The following VGLL4 variants were observed in gnomAD, a reference collection of about 807,000 sequenced individuals.
VGLL4 encodes the protein vestigial like family member 4, also known as transcription cofactor vestigial-like protein 4.
A neutral mutation model predicts 21.0 loss-of-function variants in VGLL4; 7 were observed. The observed-to-expected ratio is 0.33, with a 90% CI of 0.19 to 0.63. The LOEUF (loss-of-function observed/expected upper bound fraction) is 0.63. Among genes scored for constraint, VGLL4 ranks in the 20% least tolerant of loss-of-function variants. The pLI is 0.78. For synonymous variants in VGLL4, 222 were observed against 173.2 expected, an observed-to-expected ratio of 1.28 and a Z score of -2.21; for missense variants, 394 against 425.7, an observed-to-expected ratio of 0.93 and a Z score of 0.66.
intron 2 of VGLL4, among the ~76,000 whole-genome samples, chr3:11,593,292 G>C (rs1417854388): frequency 6.6e-6 from 1 of 152,108 alleles, no homozygotes; most frequent in African/African-American, 2.4e-5. Flanking sequence ...TTTACATCCA[G>C]ATACCAAAAA....
In VGLL4 at chr3:11,643,836, G is replaced by C; in HGVS notation, c.-318C>G. On this transcript the variant is annotated 5_prime_UTR_variant, in exon 1 of 5. Transcript: ENST00000430365. ...GGAAAAGAGTGAAAAAGAGAAACGC[G>C]CAGCCCGTTTCCTAGGACAAAGCGG... 1 of 1,065,474 alleles carries C rather than the reference G, an allele frequency of 9.4e-7. No individual in the cohort carries two copies. Among genetic ancestry groups the C allele is most frequent in the African/African-American group, 1.7e-5 (1 of 59,238 alleles). The allele number at this position is 1,065,474 out of a possible 1,614,324, so 66.0% of individuals were successfully genotyped here.
At chr3:11,628,644 C>A (rs1243878809) in intron 1 of VGLL4, among the ~76,000 whole-genome samples, 2 of 151,678 alleles carry the variant, frequency 1.3e-5, no homozygotes, top group South Asian at 2.1e-4. Context: ...CACGGTGAAA[C>A]CCCGTCTCTA....
chr3:11,620,648 G>A (rs2574716), intron 1 of VGLL4, among the ~76,000 whole-genome samples: 76,428 of 152,000 alleles, frequency 0.5, 22,280 homozygotes, highest in African/African-American at 0.78. Context: ...CTTACTTCGC[G>A]GAAAATTTGG....
intron 2 of VGLL4, among the ~76,000 whole-genome samples, chr3:11,677,607 G>A (rs371755090): frequency 1.1e-3 from 167 of 152,158 alleles, no homozygotes; most frequent in African/African-American, 3.6e-3. Flanking sequence ...GCTATAGCGC[G>A]TATGAACAAA....
intron 2 of VGLL4, among the ~76,000 whole-genome samples, chr3:11,567,620 G>C (rs1244114155): frequency 6.6e-6 from 1 of 152,186 alleles, no homozygotes; most frequent in Non-Finnish European, 1.5e-5. Context: ...TCAGAAGACA[G>C]CACAGGTTTC....
At chr3:11,637,822 G>C (rs558906466) in intron 1 of VGLL4, among the ~76,000 whole-genome samples, 5 of 152,154 alleles carry the variant, frequency 3.3e-5, no homozygotes, top group African/African-American at 9.7e-5. Context: ...TGTGGAGTTG[G>C]GGGGTGGGAA....
intron 1 of VGLL4, among the ~76,000 whole-genome samples, chr3:11,632,234 A>G (rs1312657796): frequency 6.6e-6 from 1 of 152,002 alleles, no homozygotes. Flanking sequence ...AATGGCTTGA[A>G]CCCAGGAGGC....
At chr3:11,626,172 T>A (rs1195893287) in intron 1 of VGLL4, among the ~76,000 whole-genome samples, 4 of 152,186 alleles carry the variant, frequency 2.6e-5, no homozygotes, top group Non-Finnish European at 5.9e-5. Context: ...TTTCCAAGAA[T>A]CTCAATGAGC....
At chr3:11,663,681 G>A (rs1426470170) in intron 2 of VGLL4, among the ~76,000 whole-genome samples, 1 of 152,166 alleles carries the variant, frequency 6.6e-6, no homozygotes, top group Non-Finnish European at 1.5e-5. Flanking sequence ...TCATGCCACT[G>A]CACTCCAGCC....
At chr3:11,633,321 T>C (rs2075519442) in intron 1 of VGLL4, 1 of 152,156 alleles carries the variant, frequency 6.6e-6, no homozygotes. Flanking sequence ...ATAAATTCCA[T>C]GGCAGAAGTA....
At chr3:11,689,039 G>C (rs2076489066) in intron 2 of VGLL4, among the ~76,000 whole-genome samples, 2 of 152,026 alleles carry the variant, frequency 1.3e-5, no homozygotes, top group Admixed American at 6.6e-5. Context: ...AAGAGAGAGA[G>C]AGATCAATTT....
At chr3:11,673,481 A>C (rs545387977) in intron 2 of VGLL4, among the ~76,000 whole-genome samples, 4 of 152,176 alleles carry the variant, frequency 2.6e-5, no homozygotes, top group Non-Finnish European at 5.9e-5. Context: ...ACTGAAAAGT[A>C]CAATTGCCAG....
At chr3:11,680,627 A>G (rs1263811750) in intron 2 of VGLL4, among the ~76,000 whole-genome samples, 1 of 152,100 alleles carries the variant, frequency 6.6e-6, no homozygotes, top group Non-Finnish European at 1.5e-5. Context: ...TCACCCACAC[A>G]CTGATGCCAA....
chr3:11,643,210 T>C lies in VGLL4; in HGVS notation c.82+227A>G, dbSNP rs551772787. ...GTACGTTGCAAGCAACGAGCAAACT[T>C]TGAAGGGTTTCTACTTCACTGCCTC... On this transcript the variant is annotated intron_variant, in intron 1 of 4. Coordinates refer to ENST00000430365, the MANE Select transcript of VGLL4 (RefSeq NM_001128219.3). Among the ~76,000 whole-genome samples the C allele has an allele frequency of 1.7e-4, 26 of 152,290 alleles. No homozygotes were observed. The East Asian group carries it at 4.1e-3, about 24-fold the overall frequency.
intron 1 of VGLL4, among the ~76,000 whole-genome samples, chr3:11,630,485 A>T (rs960215735): frequency 2.6e-5 from 4 of 151,950 alleles, no homozygotes; most frequent in African/African-American, 4.8e-5. Context: ...GCTCTACTAA[A>T]CACACAAAAA....
chr3:11,627,913 T>C (rs1288071566), intron 1 of VGLL4, among the ~76,000 whole-genome samples: 1 of 152,216 alleles, frequency 6.6e-6, no homozygotes, highest in East Asian at 1.9e-4. Flanking sequence ...TTACTTTAGA[T>C]AGGAGGAATA....
intron 1 of VGLL4, among the ~76,000 whole-genome samples, chr3:11,620,240 C>A (rs1024089781): frequency 6.6e-6 from 1 of 152,198 alleles, no homozygotes. Flanking sequence ...ATAGGAAAGA[C>A]TGGATTTACA....
chr3:11,566,190 A>T (rs772271418), intron 2 of VGLL4, among the ~76,000 whole-genome samples: 1 of 152,166 alleles, frequency 6.6e-6, no homozygotes, highest in Non-Finnish European at 1.5e-5. Context: ...GCATGCACAC[A>T]GAATGTTACA....
At chr3:11,640,937 G>GT (rs1326504588) in intron 1 of VGLL4, among the ~76,000 whole-genome samples, 1 of 152,024 alleles carries the variant, frequency 6.6e-6, no homozygotes, top group Non-Finnish European at 1.5e-5. Context: ...GCCCAACATG[G>GT]TGAAACCCAT....
Sources: allele counts gnomAD v4.1 joint callset (sites outside exome capture counted in the v4.1 genomes callset), GRCh38; gene constraint gnomAD v4.1.1; transcripts MANE v1.5; gene names NCBI Gene and HGNC (gene_info 2026-07-23, HGNC 2026-07-21).